YME1L1: variants seen among roughly 807,000 people sequenced by gnomAD.
YME1L1 encodes ATP-dependent zinc metalloprotease YME1L1.
In YME1L1, 39 loss-of-function variants were observed where a neutral mutation model predicts 90.4. The observed-to-expected ratio is 0.43, with a 90% confidence interval of 0.33 to 0.56. YME1L1 has a LOEUF of 0.56. Ranked by LOEUF, YME1L1 falls within the 20% of genes least tolerant of loss-of-function variation. The probability of loss-of-function intolerance (pLI) is 0.03; values close to 1 mark genes in which losing one functional copy is unlikely to be tolerated. For synonymous variants in YME1L1, 284 were observed against 287.3 expected, an observed-to-expected ratio of 0.99 and a Z score of 0.12; for missense variants, 617 against 868.4, an observed-to-expected ratio of 0.71 and a Z score of 3.64.
Position 27,132,106 on chromosome 10 carries a change from CT to C in YME1L1, c.776-166del, listed in dbSNP as rs113682414. 0.22 allele frequency among the ~76,000 whole-genome samples: 33,996 copies of C among 151,534 alleles called. 4,097 individuals carry two copies. Among genetic ancestry groups the C allele is most frequent in the East Asian group, 0.41 (2,085 of 5,146 alleles). On this transcript the variant is annotated intron_variant, in intron 7 of 18. Coordinates refer to ENST00000376016, the MANE Select transcript of YME1L1 (RefSeq NM_014263.4). ...AATAGAAACTAGGTCTTCTGGATTT[CT>C]TTTTTTTTCTTTTTGACAGAGTCTT... is the stretch of plus-strand genomic sequence containing the variant.
At chr10:27,112,424 T>A (rs1227742626) in intron 18 of YME1L1, among the ~76,000 whole-genome samples, 1 of 152,180 alleles carries the variant, frequency 6.6e-6, no homozygotes, top group Non-Finnish European at 1.5e-5. Flanking sequence ...TTCCTTGAAA[T>A]AATCAAACCC....
chr10:27,154,053 G>T, intron 1 of YME1L1, 125 bp downstream of exon 1: 2 of 1,249,126 alleles, frequency 1.6e-6, no homozygotes, highest in Non-Finnish European at 2.3e-6. Context: ...TCAATCCTGG[G>T]ATTCGCATTG....
chr10:27,134,673 C>G (rs1052032480), intron 6 of YME1L1, among the ~76,000 whole-genome samples, 158 bp downstream of exon 6: 2 of 152,214 alleles, frequency 1.3e-5, no homozygotes, highest in African/African-American at 4.8e-5. Context: ...GAAAGGGAAA[C>G]CATCAGCAGT....
chr10:27,134,699 T>C (rs935565523), intron 6 of YME1L1, 132 bp downstream of exon 6: 11 of 917,260 alleles, frequency 1.2e-5, no homozygotes, highest in South Asian at 3.6e-5. Flanking sequence ...CATTTCTACA[T>C]AGATTAAGTT....
At chr10:27,142,547 G>T in intron 3 of YME1L1, 62 bp from the exon 4 acceptor site, 1 of 750,424 alleles carries the variant, frequency 1.3e-6, no homozygotes, top group Non-Finnish European at 2.0e-6. Context: ...AAAATCCTAT[G>T]AAATATAAAT....
intron 18 of YME1L1, among the ~76,000 whole-genome samples, chr10:27,112,716 TA>T (rs1042393383): frequency 1.6e-4 from 24 of 151,904 alleles, no homozygotes; most frequent in African/African-American, 5.8e-4. Context: ...TCTCTCTCTC[TA>T]TTTTTTTTTC....
At chr10:27,147,352 A>G (rs1391633874) in intron 2 of YME1L1, 1 of 1,443,702 alleles carries the variant, frequency 6.9e-7, no homozygotes, top group Non-Finnish European at 9.6e-7. Flanking sequence ...AAATGATAAA[A>G]CAAACAAACA....
intron 15 of YME1L1, among the ~76,000 whole-genome samples, chr10:27,117,154 G>A (rs2056821703): frequency 6.6e-6 from 1 of 152,160 alleles, no homozygotes; most frequent in African/African-American, 2.4e-5. Flanking sequence ...TTTTTTAAAT[G>A]TCTACAATGT....
intron 12 of YME1L1, among the ~76,000 whole-genome samples, chr10:27,120,948 A>G (rs2056861352): frequency 6.6e-6 from 1 of 152,226 alleles, no homozygotes; most frequent in African/African-American, 2.4e-5. Flanking sequence ...TAACTTCTAC[A>G]GTAAAATTTT....
chr10:27,126,975 C>T (rs1564459874), intron 8 of YME1L1, among the ~76,000 whole-genome samples, 189 bp from the exon 9 acceptor site: 1 of 152,164 alleles, frequency 6.6e-6, no homozygotes, highest in African/African-American at 2.4e-5. Context: ...ACCATTATTT[C>T]CCATTATGCA....
chr10:27,137,894 AATTT>A lies in YME1L1; in HGVS notation c.431-1513_431-1510del, dbSNP rs1396423273. ...TCTTTGTCTTTCGATCATATACAGT[AATTT>A]ATTAGCTCAGTGCAGCCATACCTTT... is the stretch of plus-strand genomic sequence containing the variant. On this transcript the variant is annotated intron_variant, in intron 4 of 18. Transcript: ENST00000376016. Among the ~76,000 whole-genome samples the A allele has an allele frequency of 5.3e-5, 8 of 152,146 alleles. No individual in the cohort carries two copies. In the East Asian group the frequency reaches 5.8e-4, roughly 11 times the overall value.
chr10:27,112,199 CT>C, intron 18 of YME1L1, 79 bp from the exon 19 acceptor site: 1 of 1,255,212 alleles, frequency 8.0e-7, no homozygotes. Context: ...GAAAGAAAAA[CT>C]TTATGTACCC....
chr10:27,113,240 A>T lies in YME1L1; in HGVS notation c.2008-1120T>A, dbSNP rs1377253756. On this transcript the variant is annotated intron_variant, in intron 18 of 18. Coordinates refer to ENST00000376016, the MANE Select transcript of YME1L1 (RefSeq NM_014263.4). ...GTCTCAAAAAAAAAAAAAAAAAAAA[A>T]AAAAAAAAAAAAAAAAAAAAAAAGA... Among the ~76,000 whole-genome samples, 667 of 144,604 alleles carry T rather than the reference A, an allele frequency of 4.6e-3. 37 individuals carry two copies. Among genetic ancestry groups the T allele is most frequent in the African/African-American group, 0.016 (638 of 39,172 alleles). 94.9% of individuals were successfully genotyped at this position (144,604 alleles called of 152,430 possible).
At chr10:27,150,337 A>T (rs1420981334) in intron 1 of YME1L1, among the ~76,000 whole-genome samples, 1 of 152,218 alleles carries the variant, frequency 6.6e-6, no homozygotes, top group Non-Finnish European at 1.5e-5. Flanking sequence ...AATAATGAGT[A>T]ACAATTATAC....
intron 3 of YME1L1, among the ~76,000 whole-genome samples, chr10:27,144,568 T>C (rs1588613220): frequency 6.6e-6 from 1 of 152,142 alleles, no homozygotes; most frequent in Admixed American, 6.5e-5. Context: ...TATACTACCA[T>C]ACTGTTATGA....
At chr10:27,153,229 G>C (rs1477213985) in intron 1 of YME1L1, 1 of 470,542 alleles carries the variant, frequency 2.1e-6, no homozygotes, top group Non-Finnish European at 4.4e-6. Flanking sequence ...TTGCTCACCT[G>C]GTACATAACT....
chr10:27,154,175 TACCTGGGGTTGC>T lies in YME1L1; in HGVS notation c.24_33+2del. ...AAAAAAATGGGCTGAATGCCTGGCTTACCTGGGGTTGCACCGTGCTCGACAAGGAAAACATCT... is the reference window on the plus strand; with the variant it reads ...AAAAAAATGGGCTGAATGCCTGGCTTACCGTGCTCGACAAGGAAAACATCT... On this transcript the variant is annotated splice_donor_variant and coding_sequence_variant, in exon 1 of 19. Coordinates refer to ENST00000376016, the MANE Select transcript of YME1L1 (RefSeq NM_014263.4). LOFTEE classifies it high-confidence loss of function. The T allele has an allele frequency of 1.3e-6, 2 of 1,590,092 alleles. No homozygotes were observed. Among genetic ancestry groups the T allele is most frequent in the Non-Finnish European group, 1.7e-6 (2 of 1,167,408 alleles).
At chr10:27,130,636 G>A (rs2056966205) in intron 8 of YME1L1, among the ~76,000 whole-genome samples, 1 of 152,190 alleles carries the variant, frequency 6.6e-6, no homozygotes, top group South Asian at 2.1e-4. Context: ...TGGATCACCT[G>A]AGGTCAGGAG....
chr10:27,122,027 T>A (rs1227446523), intron 11 of YME1L1, among the ~76,000 whole-genome samples: 1 of 152,128 alleles, frequency 6.6e-6, no homozygotes, highest in African/African-American at 2.4e-5. Flanking sequence ...TGAGCTACTG[T>A]GCCCGGTGAC....
Sources: gnomAD v4.1 joint callset for allele counts (sites outside exome capture counted in the v4.1 genomes callset) on GRCh38, gnomAD v4.1.1 for gene constraint, MANE v1.5 for transcripts, NCBI Gene and HGNC (gene_info 2026-07-23, HGNC 2026-07-21) for gene names.